NF1: variants seen among roughly 807,000 people sequenced by gnomAD.
NF1 encodes the protein neurofibromin 1, also known as neurofibromin.
Under a neutral mutation model 325.7 loss-of-function variants are expected in NF1, and 122 were observed. That is an observed-to-expected ratio of 0.37 (90% CI 0.32 to 0.44). The LOEUF (loss-of-function observed/expected upper bound fraction) is 0.44, where lower values mean the gene tolerates loss of function less well. Among genes scored for constraint, NF1 ranks in the 20% least tolerant of loss-of-function variants. The pLI is 1.00. For missense variants in NF1, 2,140 were observed against 3,415.4 expected, an observed-to-expected ratio of 0.63 and a Z score of 9.31; for synonymous variants, 1,091 against 1,186.0, an observed-to-expected ratio of 0.92 and a Z score of 1.65.
chr17:31,130,754 G>A (rs749979981), intron 1 of NF1, among the ~76,000 whole-genome samples: 33 of 152,214 alleles, frequency 2.2e-4, no homozygotes, highest in Non-Finnish European at 4.1e-4. Context: ...GAGGGTGCTT[G>A]CACGCATGTG....
At chr17:31,120,418 G>A (rs545999227) in intron 1 of NF1, among the ~76,000 whole-genome samples, 2 of 152,240 alleles carry the variant, frequency 1.3e-5, no homozygotes, top group South Asian at 4.1e-4. Context: ...TCTGTTATTG[G>A]TGTATAGGAA....
intron 36 of NF1, among the ~76,000 whole-genome samples, chr17:31,274,084 TG>T (rs969172171): frequency 1.9e-4 from 29 of 152,190 alleles, no homozygotes; most frequent in Non-Finnish European, 3.4e-4. Flanking sequence ...ATTTAATTTT[TG>T]GTAAATAAAG....
chr17:31,287,404 A>G (rs17881932), intron 36 of NF1, among the ~76,000 whole-genome samples: 169 of 152,350 alleles, frequency 1.1e-3, no homozygotes, highest in African/African-American at 3.8e-3. Flanking sequence ...ACCGTAGGTG[A>G]TAAACTTTAT....
At chr17:31,168,519 A>G (rs564744425) in intron 4 of NF1, among the ~76,000 whole-genome samples, 119 of 152,202 alleles carry the variant, frequency 7.8e-4, no homozygotes, top group Non-Finnish European at 1.3e-3. Flanking sequence ...GTTAATCAGT[A>G]TCATTTCTTC....
intron 15 of NF1, chr17:31,222,292 T>G: frequency 9.5e-7 from 1 of 1,047,662 alleles, no homozygotes; most frequent in Non-Finnish European, 1.2e-6. Flanking sequence ...TTTTTTCAGT[T>G]TTTTGAACTA....
chr17:31,341,700 TGTGTGCAC>T (rs1445243573), intron 47 of NF1, among the ~76,000 whole-genome samples: 1 of 151,786 alleles, frequency 6.6e-6, no homozygotes, highest in East Asian at 1.9e-4. Context: ...TGTGTGTGTG[TGTGTGCAC>T]GTGTGCATGT....
intron 21 of NF1, 55 bp from the exon 22 acceptor site, chr17:31,229,780 G>C (rs1228744425): frequency 1.9e-6 from 3 of 1,602,570 alleles, no homozygotes; most frequent in Non-Finnish European, 1.7e-6. Flanking sequence ...CTCTCTAGGG[G>C]GTCTGTCTTC....
chr17:31,281,708 C>T (rs1056202787), intron 36 of NF1, among the ~76,000 whole-genome samples: 1 of 151,980 alleles, frequency 6.6e-6, no homozygotes, highest in Non-Finnish European at 1.5e-5. Flanking sequence ...GACTCTGACC[C>T]CCTAGGCAAG....
intron 36 of NF1, among the ~76,000 whole-genome samples, chr17:31,280,840 T>A (rs2068105334): frequency 6.6e-6 from 1 of 152,042 alleles, no homozygotes; most frequent in Non-Finnish European, 1.5e-5. Flanking sequence ...GGGGATTTTT[T>A]TTTTTTTTGC....
chr17:31,338,278 T>TTTTGA, intron 45 of NF1, 139 bp downstream of exon 45: 2 of 696,600 alleles, frequency 2.9e-6, no homozygotes, highest in Non-Finnish European at 5.1e-6. Flanking sequence ...TTAAAATGTA[T>TTTTGA]TTTGATTATT....
chr17:31,304,368 TTGGTTTTTCATAAAATC>T, intron 36 of NF1: 1 of 1,614,150 alleles, frequency 6.2e-7, no homozygotes, highest in Non-Finnish European at 8.5e-7. Context: ...TGGAATCTTC[TTGGTTTTTCATAAAATC>T]TACTGGTGGC....
rs1297210041 is a variant in NF1 at position 31,146,134 on chromosome 17, C to T, written c.61-9849C>T. 2.6e-5 allele frequency among the ~76,000 whole-genome samples: 4 copies of T among 152,172 alleles called. No individual in the cohort carries two copies. In the East Asian group the frequency reaches 5.8e-4, roughly 22 times the overall value. On this transcript the variant is annotated intron_variant, in intron 1 of 57. Transcript: ENST00000358273. ...GCATTGCTTAGCTGTGTTCTCTGCT[C>T]AGGTTCTCATCAGCCTGAAATCAAG...
chr17:31,309,756 T>G (rs1404140338), intron 36 of NF1, among the ~76,000 whole-genome samples: 1 of 152,206 alleles, frequency 6.6e-6, no homozygotes, highest in Non-Finnish European at 1.5e-5. Flanking sequence ...GGTTAGTTTG[T>G]AAGATCAATT....
At chr17:31,219,881 A>T (rs2066892322) in intron 14 of NF1, among the ~76,000 whole-genome samples, 1 of 152,160 alleles carries the variant, frequency 6.6e-6, no homozygotes, top group Admixed American at 6.5e-5. Context: ...ATGTTGTGGT[A>T]TGAATCACTA....
chr17:31,287,542 CTG>C (rs59906241), intron 36 of NF1, among the ~76,000 whole-genome samples: 2,188 of 145,294 alleles, frequency 0.015, 20 homozygotes, highest in East Asian at 0.071. Flanking sequence ...TCATTCATAA[CTG>C]TGTGTGTGTG....
chr17:31,306,595 G>C (rs767464116), intron 36 of NF1, among the ~76,000 whole-genome samples: 2 of 152,046 alleles, frequency 1.3e-5, no homozygotes, highest in Non-Finnish European at 2.9e-5. Context: ...TAGTGTCTCT[G>C]TAGCGTGGTA....
chr17:31,340,003 C>G (rs755510576), intron 46 of NF1, among the ~76,000 whole-genome samples: 4 of 152,076 alleles, frequency 2.6e-5, no homozygotes, highest in Non-Finnish European at 5.9e-5. Context: ...CTGGATAGAC[C>G]TCATCTCACA....
chr17:31,178,135 A>G (rs2066057826), intron 5 of NF1, among the ~76,000 whole-genome samples: 1 of 152,224 alleles, frequency 6.6e-6, no homozygotes, highest in Admixed American at 6.5e-5. Flanking sequence ...CGGGTTACCC[A>G]CAAAGGGAAG....
chr17:31,177,973 A>G (rs764232997), intron 5 of NF1, among the ~76,000 whole-genome samples: 1 of 152,176 alleles, frequency 6.6e-6, no homozygotes, highest in Non-Finnish European at 1.5e-5. Flanking sequence ...AACTTCCCCA[A>G]CCTAGCAAGG....
Sources: gnomAD v4.1 joint callset for allele counts (sites outside exome capture counted in the v4.1 genomes callset) on GRCh38, gnomAD v4.1.1 for gene constraint, MANE v1.5 for transcripts, NCBI Gene and HGNC (gene_info 2026-07-23, HGNC 2026-07-21) for gene names.